DDX43: variants seen among roughly 807,000 people sequenced by gnomAD.
The protein encoded by DDX43 is probable ATP-dependent RNA helicase DDX43.
In DDX43, 50 loss-of-function variants were observed where a neutral mutation model predicts 84.9. The ratio of observed to expected loss-of-function variants is 0.59; its 90% CI spans 0.47 to 0.75. DDX43 has a LOEUF of 0.75. Among genes scored for constraint, DDX43 ranks in the 30% least tolerant of loss-of-function variants. The pLI is 0.00. For synonymous variants in DDX43, 291 were observed against 266.3 expected (o/e 1.09, Z -0.90); for missense variants, 689 against 798.6 (o/e 0.86, Z 1.65).
At position 73,407,635 on chromosome 6, in the gene DDX43, A is replaced by C. The variant is rs1180119628; in HGVS notation, c.1037+20A>C. On this transcript the variant is annotated intron_variant, in intron 8 of 16. Transcript: ENST00000370336. Reference sequence around the variant, plus strand: ...TCGGAGGTAAGTAATTTTTTTTCCCATTCCTTCACCAGTATCATATTTTAA... The same window carrying C: ...TCGGAGGTAAGTAATTTTTTTTCCCCTTCCTTCACCAGTATCATATTTTAA... 2 of 1,451,556 alleles carry C rather than the reference A, an allele frequency of 1.4e-6. No individual in the cohort carries two copies. Among genetic ancestry groups the C allele is most frequent in the Non-Finnish European group, 1.9e-6 (2 of 1,034,266 alleles). The allele number at this position is 1,451,556 out of a possible 1,614,324, so 89.9% of individuals were successfully genotyped here.
chr6:73,414,828 A>G, intron 14 of DDX43, 142 bp downstream of exon 14: 1 of 736,522 alleles, frequency 1.4e-6, no homozygotes, highest in South Asian at 2.0e-5. Context: ...TACTTTATTT[A>G]TCCCTGTTCA....
intron 5 of DDX43, among the ~76,000 whole-genome samples, 182 bp downstream of exon 5, chr6:73,404,953 A>G (rs546375348): frequency 6.6e-6 from 1 of 152,322 alleles, no homozygotes; most frequent in East Asian, 1.9e-4. Flanking sequence ...AGTGATGGAA[A>G]ATGGTCTATA....
chr6:73,408,935 A>T lies in DDX43; in HGVS notation c.1180-313A>T, dbSNP rs920038117. ...TTGAAAGAATTAAGACTTCTATTTG[A>T]AATTATCATGCATGTTTACTTTAAA... On this transcript the variant is annotated intron_variant, in intron 9 of 16. Transcript: ENST00000370336. Among the ~76,000 whole-genome samples the T allele has an allele frequency of 2.2e-4, 34 of 152,214 alleles. 1 individual carries two copies. The highest frequency in any genetic ancestry group is 7.3e-5 in the Non-Finnish European group (5 of 68,042).
At chr6:73,401,243 G>A (rs73448602) in intron 3 of DDX43, among the ~76,000 whole-genome samples, 7,294 of 152,254 alleles carry the variant, frequency 0.048, 574 homozygotes, top group African/African-American at 0.17. Context: ...CTCACAAAGT[G>A]CTGGTATTAC....
rs1241468271 is a variant in DDX43 at position 73,395,152 on chromosome 6, A to G, written c.247A>G (p.Ile83Val). 6.2e-7 allele frequency: 1 copy of G among 1,609,436 alleles called. No homozygotes were observed. Among genetic ancestry groups the G allele is most frequent in the Non-Finnish European group, 8.5e-7 (1 of 1,177,912 alleles). ...ALKSHFVGAV[I>V]GRGGSKIKNI... ...GAAGAGCCACTTTGTTGGCGCGGTA[A>G]TCGGTGAGAATGGGAGTGGCTGGCA... The change falls in exon 1 of 17, where the codon ATC becomes GTC. Residue 83 changes from isoleucine (I) to valine (V), a missense_variant. Ile to Val is a conservative substitution (Grantham distance 29, BLOSUM62 3). Around this residue, in one of 2 missense-constraint regions of DDX43, gnomAD observed 552 missense variants for 692.7 expected, o/e 0.80. Transcript: ENST00000370336.
At chr6:73,405,468 T>A (rs1471161106) in intron 5 of DDX43, among the ~76,000 whole-genome samples, 1 of 152,226 alleles carries the variant, frequency 6.6e-6, no homozygotes, top group Non-Finnish European at 1.5e-5. Flanking sequence ...TAATGTATAA[T>A]GTTTTTAAGT....
At chr6:73,403,940 T>C (rs9446898) in intron 4 of DDX43, among the ~76,000 whole-genome samples, 148,943 of 151,736 alleles carry the variant, frequency 0.98, 73,178 homozygotes, top group Middle Eastern at 1. Flanking sequence ...ACTTCAGGCT[T>C]CTGAGTAGCT....
chr6:73,413,972 C>T lies in DDX43; in HGVS notation c.1499C>T (p.Ala500Val), dbSNP rs144361613. The T allele has an allele frequency of 1.0e-3, 1,613 of 1,601,428 alleles. 2 individuals carry two copies. Among genetic ancestry groups the T allele is most frequent in the South Asian group, 1.7e-3 (151 of 90,728 alleles). The change falls in exon 13 of 17, where the codon GCG becomes GTG. Residue 500 changes from alanine (A) to valine (V), a missense_variant and splice_region_variant. Ala to Val is a moderately conservative substitution (Grantham distance 64). Coordinates refer to ENST00000370336, the MANE Select transcript of DDX43 (RefSeq NM_018665.3). The part of the protein sequence containing the change: ...VIVFVSRKAV[A>V]DHLSSDLILG... ...GCTGAGTTTATCTTTTGCTTCAGTGCGGATCACTTATCAAGTGACCTAATA... is the reference window on the plus strand; with the variant it reads ...GCTGAGTTTATCTTTTGCTTCAGTGTGGATCACTTATCAAGTGACCTAATA...
chr6:73,416,589 G>C (rs1769908635), intron 16 of DDX43, among the ~76,000 whole-genome samples: 2 of 152,200 alleles, frequency 1.3e-5, no homozygotes, highest in Non-Finnish European at 2.9e-5. Context: ...ATTATGCTTA[G>C]AGAAATAAGC....
intron 3 of DDX43, 43 bp from the exon 4 acceptor site, chr6:73,401,816 A>G (rs765171670): frequency 5.8e-6 from 9 of 1,541,744 alleles, no homozygotes; most frequent in Non-Finnish European, 7.8e-6. Context: ...AAAAAAAAAA[A>G]AAAAAATAGA....
In DDX43 at chr6:73,412,676, CGCGT is replaced by C. The variant is rs1178888071; in HGVS notation, c.1368+386_1368+389del. Among the ~76,000 whole-genome samples the C allele has an allele frequency of 1.9e-3, 122 of 62,594 alleles. 1 individual carries two copies. The highest frequency in any genetic ancestry group is 5.5e-3 in the African/African-American group (111 of 20,194). The allele number at this position is 62,594 out of a possible 152,430, so 41.1% of individuals were successfully genotyped here. Reference sequence around the variant, plus strand: ...GTGTGTGTGTGTGTGTGTGCGCGCGCGCGTGTGTGTGTGTGCGCGTGCGTGCGCA... The same window carrying C: ...GTGTGTGTGTGTGTGTGTGCGCGCGCGTGTGTGTGTGCGCGTGCGTGCGCA... On this transcript the variant is annotated intron_variant, in intron 11 of 16. Transcript: ENST00000370336.
intron 13 of DDX43, among the ~76,000 whole-genome samples, 169 bp downstream of exon 13, chr6:73,414,248 TTAAA>T (rs1769860890): frequency 6.6e-6 from 1 of 152,330 alleles, no homozygotes; most frequent in East Asian, 1.9e-4. Flanking sequence ...CCTTTAAGTA[TTAAA>T]TAAACACAAG....
chr6:73,415,786 G>A (rs181858041), intron 15 of DDX43, among the ~76,000 whole-genome samples: 11 of 152,232 alleles, frequency 7.2e-5, no homozygotes, highest in East Asian at 3.9e-4. Flanking sequence ...TGAAAGCCCC[G>A]CCAAGGAAGA....
At chr6:73,409,804 G>A (rs573463891) in intron 10 of DDX43, among the ~76,000 whole-genome samples, 108 of 152,312 alleles carry the variant, frequency 7.1e-4, no homozygotes, top group Middle Eastern at 6.8e-3. Context: ...GCCGAGGTGG[G>A]TGGATCACCC....
At chr6:73,400,464 G>C (rs141778577) in intron 3 of DDX43, 101 bp downstream of exon 3, 15 of 1,137,278 alleles carry the variant, frequency 1.3e-5, no homozygotes, top group Non-Finnish European at 1.2e-6. Flanking sequence ...AAAGCATTAG[G>C]CTGCCATAAA....
intron 11 of DDX43, among the ~76,000 whole-genome samples, chr6:73,412,948 C>T (rs2150801392): frequency 1.3e-5 from 2 of 152,282 alleles, no homozygotes; most frequent in Middle Eastern, 6.8e-3. Context: ...AGGCTGGTCT[C>T]AAACTCCTGA....
intron 4 of DDX43, among the ~76,000 whole-genome samples, chr6:73,403,130 C>A (rs1302893612): frequency 6.6e-6 from 1 of 152,032 alleles, no homozygotes; most frequent in Non-Finnish European, 1.5e-5. Context: ...GGATCAGAGA[C>A]CAGGGAAAGG....
chr6:73,396,056 G>A (rs1359781236), intron 1 of DDX43, among the ~76,000 whole-genome samples: 8 of 150,546 alleles, frequency 5.3e-5, no homozygotes, highest in Admixed American at 4.0e-4. Flanking sequence ...TCCACCTCCC[G>A]GGCTCAAGCG....
chr6:73,407,829 C>T (rs1301892447), intron 8 of DDX43, 131 bp from the exon 9 acceptor site: 2 of 900,866 alleles, frequency 2.2e-6, no homozygotes, highest in African/African-American at 3.4e-5. Context: ...GATGGGTGTA[C>T]ATAATTCTCA....
Sources: allele counts gnomAD v4.1 joint callset (sites outside exome capture counted in the v4.1 genomes callset), GRCh38; gene constraint gnomAD v4.1.1; regional missense constraint gnomAD v4.1.1; transcripts MANE v1.5; gene names NCBI Gene and HGNC (gene_info 2026-07-23, HGNC 2026-07-21).